STRBP: variants seen among roughly 807,000 people sequenced by gnomAD.
The protein encoded by STRBP is spermatid perinuclear RNA binding protein.
A neutral mutation model predicts 80.1 loss-of-function variants in STRBP; 13 were observed. The observed-to-expected ratio is 0.16, with a 90% CI of 0.11 to 0.26. STRBP has a LOEUF of 0.26. STRBP is among the 10% of genes least tolerant of loss of function. The pLI is 1.00. For missense variants in STRBP, 485 were observed against 815.2 expected (o/e 0.59, Z 4.93); for synonymous variants, 284 against 291.2 (o/e 0.98, Z 0.25).
intron 1 of STRBP, among the ~76,000 whole-genome samples, chr9:123,263,449 C>A (rs971863987): frequency 6.9e-6 from 1 of 144,098 alleles, no homozygotes; most frequent in Non-Finnish European, 1.5e-5. Context: ...CACTTGAGCT[C>A]TGGAGTTCAA....
chr9:123,189,412 G>A (rs538966770), intron 2 of STRBP, among the ~76,000 whole-genome samples: 5 of 150,954 alleles, frequency 3.3e-5, no homozygotes, highest in East Asian at 2.0e-4. Flanking sequence ...GTATACATAT[G>A]TAACTAACCT....
chr9:123,207,685 C>T (rs371837362), intron 2 of STRBP, among the ~76,000 whole-genome samples: 3 of 152,172 alleles, frequency 2.0e-5, no homozygotes, highest in East Asian at 1.9e-4. Context: ...TATACCTATT[C>T]ACAAACCTGC....
chr9:123,158,180 A>G, intron 10 of STRBP, 57 bp from the exon 11 acceptor site: 1 of 1,520,736 alleles, frequency 6.6e-7, no homozygotes, highest in Middle Eastern at 1.7e-4. Flanking sequence ...TAAAGCCCTT[A>G]GAACATCTAG....
chr9:123,123,391 A>G lies in STRBP; in HGVS notation c.*2206T>C. On this transcript the variant is annotated 3_prime_UTR_variant, in exon 19 of 19. Coordinates refer to ENST00000348403, the MANE Select transcript of STRBP (RefSeq NM_018387.5). Reference sequence around the variant, plus strand: ...GGACACTTAATTCATTACAGAATTTAAACAGTTGAACTTGCATGGTTACCA... The same window carrying G: ...GGACACTTAATTCATTACAGAATTTGAACAGTTGAACTTGCATGGTTACCA... 1 of 985,460 alleles carries G rather than the reference A, an allele frequency of 1.0e-6. No individual in the cohort carries two copies. The highest frequency in any genetic ancestry group is 1.7e-5 in the African/African-American group (1 of 57,368). The allele number at this position is 985,460 out of a possible 1,614,324, so 61.0% of individuals were successfully genotyped here.
At chr9:123,220,966 G>A (rs569358404) in intron 2 of STRBP, among the ~76,000 whole-genome samples, 1 of 152,024 alleles carries the variant, frequency 6.6e-6, no homozygotes, top group South Asian at 2.1e-4. Context: ...GGTGGAAAAA[G>A]CAAAATGACC....
chr9:123,131,993 G>A (rs1342592376), intron 17 of STRBP, among the ~76,000 whole-genome samples: 3 of 152,184 alleles, frequency 2.0e-5, no homozygotes, highest in Non-Finnish European at 4.4e-5. Context: ...TACTTGTCCA[G>A]TTTAAAGTAC....
At chr9:123,148,304 A>G (rs1288872696) in intron 11 of STRBP, among the ~76,000 whole-genome samples, 2 of 152,192 alleles carry the variant, frequency 1.3e-5, no homozygotes, top group African/African-American at 4.8e-5. Flanking sequence ...GTGGGGATAC[A>G]TAGCAGGCAC....
intron 17 of STRBP, among the ~76,000 whole-genome samples, chr9:123,130,540 G>A (rs1036286722): frequency 4.6e-5 from 7 of 152,080 alleles, no homozygotes; most frequent in African/African-American, 1.2e-4. Context: ...AACAAGAGAC[G>A]TGACCAGATT....
chr9:123,174,921 T>C (rs903198867), intron 4 of STRBP, among the ~76,000 whole-genome samples: 12 of 152,218 alleles, frequency 7.9e-5, no homozygotes, highest in African/African-American at 2.9e-4. Context: ...AATAAGCAAG[T>C]GTTTGGGTAT....
intron 1 of STRBP, among the ~76,000 whole-genome samples, chr9:123,246,809 T>C (rs571390982): frequency 6.6e-6 from 1 of 152,334 alleles, no homozygotes; most frequent in African/African-American, 2.4e-5. Flanking sequence ...AAAAAAGCTT[T>C]GTAAGCCAAA....
chr9:123,177,034 C>T (rs950261867), intron 4 of STRBP, among the ~76,000 whole-genome samples: 4 of 152,180 alleles, frequency 2.6e-5, no homozygotes, highest in African/African-American at 9.7e-5. Flanking sequence ...AGCTACCCCC[C>T]ACCCATCTCT....
chr9:123,233,016 T>G (rs1231571658), intron 2 of STRBP, among the ~76,000 whole-genome samples: 1 of 152,212 alleles, frequency 6.6e-6, no homozygotes, highest in Non-Finnish European at 1.5e-5. Flanking sequence ...TGCCAGATGC[T>G]CAATTAATGA....
intron 1 of STRBP, among the ~76,000 whole-genome samples, chr9:123,262,759 A>G (rs1258647096): frequency 1.3e-5 from 2 of 152,236 alleles, no homozygotes; most frequent in Non-Finnish European, 2.9e-5. Context: ...CAGGCACTAT[A>G]CTTCTCAAAT....
chr9:123,234,580 T>G (rs1160149231), intron 2 of STRBP, among the ~76,000 whole-genome samples: 1 of 152,220 alleles, frequency 6.6e-6, no homozygotes, highest in African/African-American at 2.4e-5. Context: ...GTTCTTCCCA[T>G]CCTAGTTGGT....
At chr9:123,233,013 T>C (rs745406310) in intron 2 of STRBP, among the ~76,000 whole-genome samples, 2 of 152,232 alleles carry the variant, frequency 1.3e-5, no homozygotes, top group Admixed American at 6.5e-5. Flanking sequence ...AAATGCCAGA[T>C]GCTCAATTAA....
intron 17 of STRBP, 144 bp downstream of exon 17, chr9:123,132,701 A>G (rs534918666): frequency 6.1e-4 from 736 of 1,213,834 alleles, no homozygotes; most frequent in Non-Finnish European, 7.9e-4. Flanking sequence ...CATTCTGCCA[A>G]TTCTCTACTT....
chr9:123,250,422 A>C (rs921079482), intron 1 of STRBP, among the ~76,000 whole-genome samples: 2 of 152,208 alleles, frequency 1.3e-5, no homozygotes, highest in African/African-American at 4.8e-5. Context: ...ATCAGATATA[A>C]TTTCCGATAA....
chr9:123,267,430 C>G (rs2041293624), intron 1 of STRBP, among the ~76,000 whole-genome samples: 1 of 151,768 alleles, frequency 6.6e-6, no homozygotes, highest in African/African-American at 2.4e-5. Context: ...AATGAACTTC[C>G]CCCTTCCACC....
chr9:123,222,447 C>T (rs1299587270), intron 2 of STRBP, among the ~76,000 whole-genome samples: 1 of 152,110 alleles, frequency 6.6e-6, no homozygotes, highest in East Asian at 1.9e-4. Flanking sequence ...ATATGCTCAT[C>T]TCTGCTGGCT....
Sources: allele counts gnomAD v4.1 joint callset (sites outside exome capture counted in the v4.1 genomes callset), GRCh38; gene constraint gnomAD v4.1.1; transcripts MANE v1.5; gene names NCBI Gene and HGNC (gene_info 2026-07-23, HGNC 2026-07-21).